EHF: variants seen among roughly 807,000 people sequenced by gnomAD.
The protein encoded by EHF is ESE3 transcription factor.
In EHF, 14 loss-of-function variants were observed where a neutral mutation model predicts 45.1. That is an observed-to-expected ratio of 0.31 (90% confidence interval 0.21 to 0.49). The LOEUF (loss-of-function observed/expected upper bound fraction) is 0.49, where lower values mean the gene tolerates loss of function less well. EHF is among the 20% of genes least tolerant of loss of function. EHF has a pLI of 0.99. For missense variants in EHF, 282 were observed against 371.4 expected (o/e 0.76, Z 1.98); for synonymous variants, 136 against 131.8 (o/e 1.03, Z -0.22).
intron 1 of EHF, among the ~76,000 whole-genome samples, chr11:34,629,962 A>G (rs930956686): frequency 1.3e-5 from 2 of 152,126 alleles, no homozygotes; most frequent in African/African-American, 4.8e-5. Context: ...TGGGGCCTCT[A>G]ACAGGAAGCC....
intron 6 of EHF, 135 bp downstream of exon 6, chr11:34,651,940 T>A: frequency 2.4e-6 from 2 of 845,516 alleles, no homozygotes. Flanking sequence ...GGGTTACCAT[T>A]AGACGAGGTT....
chr11:34,658,731 G>C lies in EHF; in HGVS notation c.803+3G>C. 6.2e-7 allele frequency: 1 copy of C among 1,611,716 alleles called. No individual in the cohort carries two copies. Among genetic ancestry groups the C allele is most frequent in the East Asian group, 2.2e-5 (1 of 44,846 alleles). On this transcript the variant is annotated splice_donor_region_variant and intron_variant, in intron 8 of 8. Coordinates refer to ENST00000257831, the MANE Select transcript of EHF (RefSeq NM_012153.6). ...GAAAAGCTCAGCCGAGCTATGAGGT[G>C]AGGAGTTTCATGTCTCTGAAAACAA...
Position 34,651,602 on chromosome 11 carries a change from G to A in EHF, c.467G>A (p.Ser156Asn), listed in dbSNP as rs563964313. 6 of 1,613,300 alleles carry A rather than the reference G, an allele frequency of 3.7e-6. No homozygotes were observed. In the East Asian group the frequency reaches 1.3e-4, roughly 36 times the overall value. The change falls in exon 5 of 9, where the codon AGC (serine) becomes AAC (asparagine). Residue 156 changes from serine to asparagine, a missense_variant. Coordinates refer to ENST00000257831, the MANE Select transcript of EHF (RefSeq NM_012153.6). ...TATTTATATGACACCAACTATGGTA[G>A]CACAGTAGGTAACTAACTCCCTGAC... is the stretch of plus-strand genomic sequence containing the variant. Reference protein sequence around the residue: ...ENYLYDTNYGSTVDLLDSKTF... With the variant: ...ENYLYDTNYGNTVDLLDSKTF...
intron 6 of EHF, among the ~76,000 whole-genome samples, chr11:34,653,937 C>G (rs1855448293): frequency 6.6e-6 from 1 of 152,156 alleles, no homozygotes; most frequent in South Asian, 2.1e-4. Flanking sequence ...GTCATCTGCC[C>G]ATTTCATAAA....
At chr11:34,656,171 C>A (rs1455528310) in intron 6 of EHF, among the ~76,000 whole-genome samples, 2 of 152,134 alleles carry the variant, frequency 1.3e-5, no homozygotes, top group Non-Finnish European at 2.9e-5. Flanking sequence ...CCGCCTCCAT[C>A]ATCTCCTCTT....
intron 1 of EHF, among the ~76,000 whole-genome samples, chr11:34,640,022 CTTTTT>C (rs72277773): frequency 2.7e-5 from 4 of 145,980 alleles, no homozygotes; most frequent in Non-Finnish European, 6.1e-5. Context: ...TTATTAAATT[CTTTTT>C]TTTTTTTTCA....
At position 34,662,948 on chromosome 11, in the gene EHF, A is replaced by G. The variant is rs1856175910; in HGVS notation, c.*4017A>G. ...TGGAATTCAGTTTCTGGAACTAGAG[A>G]TAGAGCATTTATTAAAAAAAACTCC... On this transcript the variant is annotated 3_prime_UTR_variant, in exon 9 of 9. Transcript: ENST00000257831. Among the ~76,000 whole-genome samples the G allele has an allele frequency of 6.6e-6, 1 of 152,064 alleles. No homozygotes were observed. Among genetic ancestry groups the G allele is most frequent in the African/African-American group, 2.4e-5 (1 of 41,390 alleles).
intron 1 of EHF, among the ~76,000 whole-genome samples, chr11:34,625,020 G>T (rs748254391): frequency 6.6e-6 from 1 of 152,184 alleles, no homozygotes; most frequent in Non-Finnish European, 1.5e-5. Context: ...TGGCTGTGGT[G>T]ATTGGGGGTG....
At chr11:34,641,088 A>T (rs1366975401) in intron 1 of EHF, among the ~76,000 whole-genome samples, 1 of 152,160 alleles carries the variant, frequency 6.6e-6, no homozygotes, top group African/African-American at 2.4e-5. Flanking sequence ...GCTCCTATAC[A>T]TGGTGCCAGG....
At chr11:34,655,432 T>C (rs935595102) in intron 6 of EHF, among the ~76,000 whole-genome samples, 2 of 152,190 alleles carry the variant, frequency 1.3e-5, no homozygotes, top group Non-Finnish European at 2.9e-5. Flanking sequence ...GAAAGGCTTG[T>C]GTGAAATCTG....
In EHF at chr11:34,642,621, C is replaced by T. The variant is rs374539702; in HGVS notation, c.-3-7C>T. On this transcript the variant is annotated splice_polypyrimidine_tract_variant and splice_region_variant and intron_variant, in intron 1 of 8. Transcript: ENST00000257831. ...CTGACTGAACAGGCTGTTTGATCCC[C>T]TAACAGATCATGATTCTGGAAGGAG... The T allele has an allele frequency of 3.1e-6, 5 of 1,604,260 alleles. No homozygotes were observed. The highest frequency in any genetic ancestry group is 4.3e-6 in the Non-Finnish European group (5 of 1,171,190).
chr11:34,628,133 G>A (rs555855045), intron 1 of EHF, among the ~76,000 whole-genome samples: 2 of 152,198 alleles, frequency 1.3e-5, no homozygotes, highest in South Asian at 4.2e-4. Flanking sequence ...AGCTACTTGG[G>A]AGGCTGAGGC....
intron 1 of EHF, among the ~76,000 whole-genome samples, chr11:34,627,093 T>G (rs12421008): frequency 0.032 from 4,526 of 140,842 alleles, 109 homozygotes; most frequent in Non-Finnish European, 0.051. Context: ...GAATGGATAT[T>G]AAATTCTGGG....
chr11:34,647,063 C>CA (rs927871840), intron 3 of EHF, among the ~76,000 whole-genome samples: 5 of 144,218 alleles, frequency 3.5e-5, no homozygotes, highest in Non-Finnish European at 1.5e-5. Flanking sequence ...AAACAAAAAA[C>CA]AAAAAACAAA....
At chr11:34,630,535 C>T (rs1336799853) in intron 1 of EHF, among the ~76,000 whole-genome samples, 3 of 152,084 alleles carry the variant, frequency 2.0e-5, no homozygotes, top group Non-Finnish European at 4.4e-5. Flanking sequence ...CTTTCCTTGA[C>T]TTGAACATCT....
At chr11:34,628,768 C>T (rs1269046138) in intron 1 of EHF, among the ~76,000 whole-genome samples, 1 of 152,134 alleles carries the variant, frequency 6.6e-6, no homozygotes, top group Non-Finnish European at 1.5e-5. Flanking sequence ...CCCCTGCCCA[C>T]CCACGGTAAT....
At chr11:34,640,066 C>T (rs1468981773) in intron 1 of EHF, among the ~76,000 whole-genome samples, 2 of 151,362 alleles carry the variant, frequency 1.3e-5, no homozygotes, top group Non-Finnish European at 2.9e-5. Flanking sequence ...ATGTGCATGA[C>T]CTCATTTGAT....
chr11:34,661,490 A>G lies in EHF; in HGVS notation c.*2559A>G, dbSNP rs1856083550. ...AGAGTACCAACTACAACAATTCTAC[A>G]GATAATTAGTGGATTGTGTTGTTTG... On this transcript the variant is annotated 3_prime_UTR_variant, in exon 9 of 9. Coordinates refer to ENST00000257831, the MANE Select transcript of EHF (RefSeq NM_012153.6). Among the ~76,000 whole-genome samples the G allele has an allele frequency of 6.6e-6, 1 of 152,168 alleles. No homozygotes were observed. The highest frequency in any genetic ancestry group is 2.4e-5 in the African/African-American group (1 of 41,448).
intron 1 of EHF, among the ~76,000 whole-genome samples, chr11:34,636,770 C>A (rs183484466): frequency 1.3e-5 from 2 of 152,188 alleles, no homozygotes; most frequent in African/African-American, 4.8e-5. Flanking sequence ...CGGTGGCTCA[C>A]GCCTGTAATC....
Sources: allele counts gnomAD v4.1 joint callset (sites outside exome capture counted in the v4.1 genomes callset), GRCh38; gene constraint gnomAD v4.1.1; transcripts MANE v1.5; gene names NCBI Gene and HGNC (gene_info 2026-07-23, HGNC 2026-07-21).